Variants in FNIP1 observed in about 807,000 individuals in gnomAD.
FNIP1 encodes folliculin interacting protein 1.
Under a neutral mutation model 124.5 loss-of-function variants are expected in FNIP1, and 40 were observed. The observed-to-expected ratio is 0.32, with a 90% CI of 0.25 to 0.42. FNIP1 has a LOEUF of 0.42. Ranked by LOEUF, FNIP1 falls within the 10% of genes least tolerant of loss-of-function variation. FNIP1 has a pLI of 1.00. For synonymous variants in FNIP1, 472 were observed against 470.6 expected, an observed-to-expected ratio of 1.00 and a Z score of -0.04; for missense variants, 1,176 against 1,403.7, an observed-to-expected ratio of 0.84 and a Z score of 2.59.
At chr5:131,666,323 A>C (rs1423191518) in intron 15 of FNIP1, among the ~76,000 whole-genome samples, 1 of 152,184 alleles carries the variant, frequency 6.6e-6, no homozygotes, top group Non-Finnish European at 1.5e-5. Flanking sequence ...CTTTGATAGT[A>C]TACTTACATG....
rs774239296 is a variant in FNIP1, at chr5:131,672,767, ATCT to A, written c.1674_1676del (p.Glu558del). ...CTGTGCCTGGCATAACGATGGCTTC[ATCT>A]TCTCCATTTTCTAAAAGATGCGTTT... On this transcript the variant is annotated inframe_deletion, in exon 14 of 18. Coordinates refer to ENST00000510461, the MANE Select transcript of FNIP1 (RefSeq NM_133372.3). 2 of 1,613,514 alleles carry A rather than the reference ATCT, an allele frequency of 1.2e-6. No homozygotes were observed. Among genetic ancestry groups the A allele is most frequent in the Non-Finnish European group, 1.7e-6 (2 of 1,179,880 alleles).
At chr5:131,752,726 T>A (rs763176799) in intron 1 of FNIP1, among the ~76,000 whole-genome samples, 1 of 152,164 alleles carries the variant, frequency 6.6e-6, no homozygotes, top group African/African-American at 2.4e-5. Context: ...ATAATCAGTA[T>A]GTGGAAATGA....
At chr5:131,790,478 C>CAAA (rs56699008) in intron 1 of FNIP1, among the ~76,000 whole-genome samples, 30,378 of 69,894 alleles carry the variant, frequency 0.43, 8,370 homozygotes, top group Non-Finnish European at 0.61. Flanking sequence ...GAACCTGTCT[C>CAAA]AAAAAAAAAA....
At chr5:131,748,870 G>T (rs915625393) in intron 1 of FNIP1, among the ~76,000 whole-genome samples, 4 of 152,056 alleles carry the variant, frequency 2.6e-5, no homozygotes, top group African/African-American at 9.7e-5. Flanking sequence ...CATAAGAGAT[G>T]ACAGTTCCAT....
rs1439501263 is a variant in FNIP1 at position 131,704,218 on chromosome 5, G to T, written c.963C>A (p.Asn321Lys). The change falls in exon 10 of 18, where the codon AAC (asparagine) becomes AAA (lysine). Residue 321 changes from asparagine to lysine, a missense_variant. Asn to Lys is a moderately conservative substitution (Grantham distance 94, BLOSUM62 0). Coordinates refer to ENST00000510461, the MANE Select transcript of FNIP1 (RefSeq NM_133372.3). Reference protein sequence around the residue: ...FNLSDESCGPNPGIVRKKKIA... With the variant: ...FNLSDESCGPKPGIVRKKKIA... ...TCTTCTTTTTCCGCACAATTCCTGG[G>T]TTAGGGCCACAGCTTTCATCTGAGA... 1 of 1,613,616 alleles carries T rather than the reference G, an allele frequency of 6.2e-7. No individual in the cohort carries two copies. Among genetic ancestry groups the T allele is most frequent in the Non-Finnish European group, 8.5e-7 (1 of 1,179,702 alleles).
intron 3 of FNIP1, among the ~76,000 whole-genome samples, chr5:131,721,134 A>G (rs2149543664): frequency 6.6e-6 from 1 of 152,374 alleles, no homozygotes; most frequent in South Asian, 2.1e-4. Flanking sequence ...ACATAGAATG[A>G]AACACTATTC....
Position 131,744,677 on chromosome 5 carries a change from C to G in FNIP1, c.106G>C (p.Glu36Gln), listed in dbSNP as rs1378689611. 4 of 1,607,702 alleles carry G rather than the reference C, an allele frequency of 2.5e-6. No homozygotes were observed. Among genetic ancestry groups the G allele is most frequent in the Non-Finnish European group, 3.4e-6 (4 of 1,176,900 alleles). Residue 36 changes from glutamate to glutamine, a missense_variant, in exon 2 of 18, where the codon GAG becomes CAG. Physicochemically the swap from Glu to Gln is conservative, Grantham distance 29. Coordinates refer to ENST00000510461, the MANE Select transcript of FNIP1 (RefSeq NM_133372.3). Reference protein sequence around the residue: ...PDCGFSWPLPEFDPSQIRLIV... With the variant: ...PDCGFSWPLPQFDPSQIRLIV... ...AGTCGAATCTGGCTTGGATCAAACT[C>G]TGGTAAAGGCCAACTTGAAAGAAAA... is the stretch of plus-strand genomic sequence containing the variant.
intron 6 of FNIP1, among the ~76,000 whole-genome samples, chr5:131,715,528 C>A (rs573044114): frequency 1.3e-5 from 2 of 152,210 alleles, no homozygotes; most frequent in Admixed American, 1.3e-4. Flanking sequence ...TTACTTTCAA[C>A]TTTCAACAAG....
intron 1 of FNIP1, among the ~76,000 whole-genome samples, chr5:131,773,166 A>G (rs1771698348): frequency 6.6e-6 from 1 of 152,192 alleles, no homozygotes; most frequent in African/African-American, 2.4e-5. Context: ...GCTCAATGCT[A>G]CCTCTTCTAA....
chr5:131,715,110 T>C (rs949913912), intron 6 of FNIP1, among the ~76,000 whole-genome samples: 1 of 152,240 alleles, frequency 6.6e-6, no homozygotes, highest in African/African-American at 2.4e-5. Context: ...TTCTACTCTA[T>C]ATTAAAAGTG....
In FNIP1 at chr5:131,657,736, CAA is replaced by C. The variant is rs59097834; in HGVS notation, c.3109-5739_3109-5738del. On this transcript the variant is annotated intron_variant, in intron 15 of 17. Transcript: ENST00000510461. ...ATGATGAAAGAGCTTGAAAATAAGGCAAAAAAAAAAAAAAAAAAAAAACGGTG... is the reference window on the plus strand; with the variant it reads ...ATGATGAAAGAGCTTGAAAATAAGGCAAAAAAAAAAAAAAAAAAAACGGTG... 1.4e-4 allele frequency among the ~76,000 whole-genome samples: 9 copies of C among 65,056 alleles called. No individual in the cohort carries two copies. The Admixed American group carries it at 1.5e-3, about 11-fold the overall frequency. 42.7% of individuals were successfully genotyped at this position (65,056 alleles called of 152,430 possible). A position where few individuals can be genotyped will look rare whatever the true frequency, so the allele number is the denominator to read the frequency against.
Position 131,776,109 on chromosome 5 carries a change from A to G in FNIP1, c.92+20721T>C, listed in dbSNP as rs373351624. On this transcript the variant is annotated intron_variant, in intron 1 of 17. Transcript: ENST00000510461. ...CCTTGGCAGCATCTTTGTATCCAGA[A>G]AGTTTGACAAAATGCTTTTAAAATG... Among the ~76,000 whole-genome samples, 8 of 152,308 alleles carry G rather than the reference A, an allele frequency of 5.3e-5. No individual in the cohort carries two copies. The East Asian group carries it at 1.5e-3, about 29-fold the overall frequency.
At chr5:131,725,080 A>G (rs1374005525) in intron 3 of FNIP1, among the ~76,000 whole-genome samples, 1 of 152,194 alleles carries the variant, frequency 6.6e-6, no homozygotes, top group African/African-American at 2.4e-5. Context: ...TGGTACCAGT[A>G]CCATGCTGTT....
At chr5:131,781,832 A>G (rs1272633087) in intron 1 of FNIP1, among the ~76,000 whole-genome samples, 1 of 152,150 alleles carries the variant, frequency 6.6e-6, no homozygotes, top group Non-Finnish European at 1.5e-5. Flanking sequence ...ACTAATTAAG[A>G]AATACATTTT....
chr5:131,693,754 C>T (rs1053325565), intron 11 of FNIP1, among the ~76,000 whole-genome samples: 8 of 151,898 alleles, frequency 5.3e-5, no homozygotes, highest in Non-Finnish European at 1.0e-4. Context: ...AAAAACTCTG[C>T]TCTGTGAAAG....
intron 1 of FNIP1, among the ~76,000 whole-genome samples, chr5:131,779,903 T>G (rs1003714615): frequency 6.6e-6 from 1 of 151,940 alleles, no homozygotes; most frequent in African/African-American, 2.4e-5. Flanking sequence ...AAATTTTTTT[T>G]AATAAAAAGC....
In FNIP1 at chr5:131,709,181, A is replaced by C. The variant is rs963138793; in HGVS notation, c.778+20T>G. 1 of 1,605,950 alleles carries C rather than the reference A, an allele frequency of 6.2e-7. No homozygotes were observed. Among genetic ancestry groups the C allele is most frequent in the Non-Finnish European group, 8.5e-7 (1 of 1,173,482 alleles). Reference sequence around the variant, plus strand: ...CAACAGTAATCTCATAAAAAACTGAATACAAGAACGTGACATTACCAGACC... The same window carrying C: ...CAACAGTAATCTCATAAAAAACTGACTACAAGAACGTGACATTACCAGACC... On this transcript the variant is annotated intron_variant, in intron 8 of 17. Transcript: ENST00000510461.
At chr5:131,693,299 T>TATATATATAC (rs1768548835) in intron 11 of FNIP1, among the ~76,000 whole-genome samples, 3 of 24,042 alleles carry the variant, frequency 1.2e-4, no homozygotes, top group Non-Finnish European at 1.1e-4. Context: ...AATATATACA[T>TATATATATAC]ATATATATAT....
intron 1 of FNIP1, among the ~76,000 whole-genome samples, chr5:131,779,135 T>G (rs2149582798): frequency 6.9e-6 from 1 of 145,064 alleles, no homozygotes; most frequent in African/African-American, 2.6e-5. Context: ...ACCCTAAAAC[T>G]TAAAGTATAA....
Sources: allele counts gnomAD v4.1 joint callset (sites outside exome capture counted in the v4.1 genomes callset), GRCh38; gene constraint gnomAD v4.1.1; transcripts MANE v1.5; gene names NCBI Gene and HGNC (gene_info 2026-07-23, HGNC 2026-07-21).